KALRN: variants seen among roughly 807,000 people sequenced by gnomAD.
The protein encoded by KALRN is kalirin.
KALRN carries 70 observed loss-of-function variants against 353.7 expected under a neutral mutation model. That is an observed-to-expected ratio of 0.20 (90% CI 0.16 to 0.24). The LOEUF (loss-of-function observed/expected upper bound fraction) is 0.24. Ranked by LOEUF, KALRN falls within the 10% of genes least tolerant of loss-of-function variation. The pLI is 1.00. For synonymous variants in KALRN, 1,391 were observed against 1,434.8 expected, an observed-to-expected ratio of 0.97 and a Z score of 0.69; for missense variants, 2,791 against 3,756.7, an observed-to-expected ratio of 0.74 and a Z score of 6.72.
intron 1 of KALRN, among the ~76,000 whole-genome samples, chr3:124,190,553 C>G (rs1050909770): frequency 1.2e-4 from 18 of 152,092 alleles, no homozygotes. Context: ...AATTTTGCAC[C>G]GCAAGAATTC....
chr3:124,319,164 A>G (rs2079079541), intron 6 of KALRN, among the ~76,000 whole-genome samples: 1 of 151,982 alleles, frequency 6.6e-6, no homozygotes, highest in Non-Finnish European at 1.5e-5. Flanking sequence ...TTAAAGATAT[A>G]TTAAAATAAT....
intron 13 of KALRN, among the ~76,000 whole-genome samples, chr3:124,408,803 C>T (rs2091869548): frequency 6.6e-6 from 1 of 152,100 alleles, no homozygotes; most frequent in African/African-American, 2.4e-5. Context: ...GCTTTCTCTA[C>T]ACATAAATAC....
At chr3:124,410,227 C>A in intron 13 of KALRN, 1 of 533,310 alleles carries the variant, frequency 1.9e-6, no homozygotes, top group Non-Finnish European at 3.8e-6. Context: ...GCACCTTCCA[C>A]TCCATAGATT....
At chr3:124,152,589 CTTTCTTTTTTTT>C in intron 1 of KALRN, 2 of 433,646 alleles carry the variant, frequency 4.6e-6, no homozygotes, top group Non-Finnish European at 7.9e-6. Context: ...TTCTTTCTTT[CTTTCTTTTTTTT>C]TTTTTTTTTT....
At chr3:124,699,226 A>G (rs55933223) in intron 55 of KALRN, among the ~76,000 whole-genome samples, 8,543 of 152,270 alleles carry the variant, frequency 0.056, 404 homozygotes, top group African/African-American at 0.12. Context: ...CACATTTTAC[A>G]AAGTTCATGT....
chr3:124,719,104 C>T lies in KALRN; in HGVS notation c.8595C>T (p.Ser2865=), dbSNP rs536211270. ...TCTCCCTGGGGACAGACATCTGGAG[C>T]ATCGGGGTTCTGACATATGTCATGC... ...IPVSLGTDIW[S]IGVLTYVMLS... is the part of the protein sequence containing the mutation. Residue 2865 remains serine (S), a synonymous_variant, in exon 60 of 60, where the codon AGC becomes AGT. Transcript: ENST00000682506. This position sits in a 1 kb window ranked among gnomAD's most constrained non-coding sequence, Gnocchi z 5.3. 5.0e-6 allele frequency: 8 copies of T among 1,614,260 alleles called. No homozygotes were observed. In the East Asian group the frequency reaches 1.6e-4, roughly 31 times the overall value.
At chr3:124,590,940 C>A (rs1313201547) in intron 34 of KALRN, among the ~76,000 whole-genome samples, 3 of 152,128 alleles carry the variant, frequency 2.0e-5, no homozygotes, top group Non-Finnish European at 4.4e-5. Flanking sequence ...GATATTCTTT[C>A]CTCAACTCTT....
intron 1 of KALRN, among the ~76,000 whole-genome samples, chr3:124,181,099 A>AAAAT (rs1486531431): frequency 6.7e-6 from 1 of 150,118 alleles, no homozygotes; most frequent in African/African-American, 2.5e-5. Context: ...AAAAAAAAAA[A>AAAAT]AATTAGCCAG....
chr3:124,700,604 T>C (rs2150674199), intron 56 of KALRN, among the ~76,000 whole-genome samples: 1 of 152,310 alleles, frequency 6.6e-6, no homozygotes, highest in East Asian at 1.9e-4. Flanking sequence ...AAGGTTCTTA[T>C]TTTGCCCAAA....
At chr3:124,418,066 G>A (rs1355670319) in intron 14 of KALRN, among the ~76,000 whole-genome samples, 1 of 152,154 alleles carries the variant, frequency 6.6e-6, no homozygotes, top group Non-Finnish European at 1.5e-5. Context: ...ATCAGTGTGG[G>A]TGGAACAGAT....
chr3:124,077,596 C>A (rs1183683700), intron 1 of KALRN, among the ~76,000 whole-genome samples: 1 of 152,202 alleles, frequency 6.6e-6, no homozygotes, highest in Non-Finnish European at 1.5e-5. Context: ...TGGAACTTCT[C>A]AGCTCTGAAT....
At chr3:124,376,762 G>C (rs1264073200) in intron 10 of KALRN, among the ~76,000 whole-genome samples, 1 of 152,166 alleles carries the variant, frequency 6.6e-6, no homozygotes, top group Non-Finnish European at 1.5e-5. Flanking sequence ...CTGAACTGCA[G>C]AGTTTTTGGG....
chr3:124,518,768 C>T, intron 33 of KALRN: 1 of 1,320,642 alleles, frequency 7.6e-7, no homozygotes, highest in Non-Finnish European at 9.7e-7. Context: ...GTACTTCCCC[C>T]AGATCCCACT....
At chr3:124,036,846 C>T (rs184152677) in intron 1 of KALRN, among the ~76,000 whole-genome samples, 33 of 152,332 alleles carry the variant, frequency 2.2e-4, no homozygotes, top group Non-Finnish European at 2.9e-5. Context: ...CTTGTTTGTC[C>T]TCTTCTGATC....
chr3:124,505,526 G>A (rs990658021), intron 33 of KALRN, among the ~76,000 whole-genome samples: 2 of 152,138 alleles, frequency 1.3e-5, no homozygotes, highest in African/African-American at 4.8e-5. Flanking sequence ...TCAGCTCCTA[G>A]GGAGGCTGAG....
chr3:124,448,113 A>G (rs1156535567), intron 21 of KALRN, among the ~76,000 whole-genome samples: 1 of 152,228 alleles, frequency 6.6e-6, no homozygotes, highest in Admixed American at 6.5e-5. Flanking sequence ...GCAGATACCC[A>G]GAACGTCATA....
At chr3:124,441,775 A>T (rs573931512) in intron 18 of KALRN, among the ~76,000 whole-genome samples, 170 bp from the exon 19 acceptor site, 100 of 151,848 alleles carry the variant, frequency 6.6e-4, no homozygotes, top group African/African-American at 2.3e-3. Context: ...GCGGTGAGCT[A>T]TGATCATGCC....
At chr3:124,600,967 T>C (rs2076739877) in intron 34 of KALRN, among the ~76,000 whole-genome samples, 1 of 152,230 alleles carries the variant, frequency 6.6e-6, no homozygotes, top group South Asian at 2.1e-4. Flanking sequence ...GGCCCTCTTG[T>C]GCTCATGCGT....
chr3:124,360,672 C>G (rs2083933218), intron 10 of KALRN, among the ~76,000 whole-genome samples: 1 of 152,186 alleles, frequency 6.6e-6, no homozygotes, highest in African/African-American at 2.4e-5. Context: ...TGAAAGCAAA[C>G]CATTTATTAC....
Sources: allele counts gnomAD v4.1 joint callset (sites outside exome capture counted in the v4.1 genomes callset), GRCh38; gene constraint gnomAD v4.1.1; non-coding constraint Gnocchi (gnomAD v3.1); transcripts MANE v1.5; gene names NCBI Gene and HGNC (gene_info 2026-07-23, HGNC 2026-07-21).